The following MYBPC3 variants were observed in gnomAD, a reference collection of about 807,000 sequenced individuals.
MYBPC3 encodes the protein myosin-binding protein C, cardiac-type.
In MYBPC3, 108 loss-of-function variants were observed where a neutral mutation model predicts 159.3. That is an observed-to-expected ratio of 0.68 (90% CI 0.58 to 0.80). MYBPC3 has a LOEUF of 0.80. Ranked by LOEUF, MYBPC3 falls within the 30% of genes least tolerant of loss-of-function variation. The pLI is 0.00. For synonymous variants in MYBPC3, 730 were observed against 702.0 expected (o/e 1.04, Z -0.63); for missense variants, 1,631 against 1,762.1 (o/e 0.93, Z 1.33).
At chr11:47,333,375 AG>A (rs751244613) in intron 29 of MYBPC3, 42 bp from the exon 30 acceptor site, 80 of 1,523,396 alleles carry the variant, frequency 5.3e-5, no homozygotes, top group Non-Finnish European at 7.0e-5. Flanking sequence ...GCCTCCTGAC[AG>A]TGAGCAGGGG....
In MYBPC3 at chr11:47,339,298, C is replaced by T. The variant is rs559563184; in HGVS notation, c.2148+26G>A. The T allele has an allele frequency of 2.7e-4, 431 of 1,611,690 alleles. 5 individuals carry two copies. In the South Asian group the frequency reaches 4.1e-3, roughly 15 times the overall value. On this transcript the variant is annotated intron_variant, in intron 22 of 34. Coordinates refer to ENST00000545968, the MANE Select transcript of MYBPC3 (RefSeq NM_000256.3). Reference sequence around the variant, plus strand: ...AGAAAGTGATGAAAGACAAACGAGCCTCCTCCTGACCTCAGTCTCACTCAC... The same window carrying T: ...AGAAAGTGATGAAAGACAAACGAGCTTCCTCCTGACCTCAGTCTCACTCAC...
Position 47,343,280 on chromosome 11 carries a change from C to A in MYBPC3, c.1224-18G>T. The A allele has an allele frequency of 6.4e-7, 1 of 1,550,668 alleles. No individual in the cohort carries two copies. Among genetic ancestry groups the A allele is most frequent in the Non-Finnish European group, 8.7e-7 (1 of 1,153,090 alleles). ...CTTACTTGCTGTAGAACAGAAGGGG[C>A]CGTTGAAGTGTTCCCGACGGGAGGA... On this transcript the variant is annotated intron_variant, in intron 13 of 34. Coordinates refer to ENST00000545968, the MANE Select transcript of MYBPC3 (RefSeq NM_000256.3).
rs1555123138 is a variant in MYBPC3, at chr11:47,348,536, A to G, written c.660T>C (p.Tyr220=). 1.9e-6 allele frequency: 3 copies of G among 1,611,726 alleles called. No individual in the cohort carries two copies. The highest frequency in any genetic ancestry group is 2.2e-5 in the South Asian group (2 of 90,726). Residue 220 remains tyrosine (Y), a synonymous_variant, in exon 6 of 35, where the codon TAT becomes TAC. Coordinates refer to ENST00000545968, the MANE Select transcript of MYBPC3 (RefSeq NM_000256.3). ...CATCGGTGATGTGCAGCTCGAACAGATAGACCTGTGTGCATGGAGGGACGG... is the reference window on the plus strand; with the variant it reads ...CATCGGTGATGTGCAGCTCGAACAGGTAGACCTGTGTGCATGGAGGGACGG... ...HDSYDRASKV[Y]LFELHITDAQ...
intron 28 of MYBPC3, 28 bp downstream of exon 28, chr11:47,333,893 TG>T: frequency 6.4e-7 from 1 of 1,558,888 alleles, no homozygotes; most frequent in South Asian, 1.2e-5. Flanking sequence ...CTCTCTCCCC[TG>T]GGGGACAGGG....
intron 1 of MYBPC3, among the ~76,000 whole-genome samples, chr11:47,352,097 T>C (rs1298447451): frequency 6.6e-6 from 1 of 152,070 alleles, no homozygotes; most frequent in Non-Finnish European, 1.5e-5. Flanking sequence ...GAAGAGGGGC[T>C]GTGTCACCCT....
At position 47,346,681 on chromosome 11, in the gene MYBPC3, G is replaced by A. The variant is rs2142864692; in HGVS notation, c.909-37C>T. On this transcript the variant is annotated intron_variant, in intron 10 of 34. Transcript: ENST00000545968. This position sits in a 1 kb window ranked among gnomAD's most constrained non-coding sequence, Gnocchi z 5.3. ...GTGGGGGTGGGAGAAAGGGTAGGTG[G>A]CACATGAGAGGTATGGCCACCTTCC... 6.3e-7 allele frequency: 1 copy of A among 1,589,612 alleles called. No individual in the cohort carries two copies. The highest frequency in any genetic ancestry group is 8.6e-7 in the Non-Finnish European group (1 of 1,167,234).
chr11:47,350,685 G>A (rs971849203), intron 2 of MYBPC3, 70 bp from the exon 3 acceptor site: 6 of 1,399,962 alleles, frequency 4.3e-6, no homozygotes, highest in Non-Finnish European at 5.5e-6. Context: ...TCTCTCCTGA[G>A]CATTGGACCC....
At chr11:47,347,967 T>C in intron 6 of MYBPC3, 62 bp from the exon 7 acceptor site, 3 of 1,473,610 alleles carry the variant, frequency 2.0e-6, no homozygotes, top group Non-Finnish European at 2.8e-6. Context: ...TGAGAAGCCC[T>C]GCCCTGGGGG....
intron 16 of MYBPC3, 25 bp downstream of exon 16, chr11:47,342,805 C>T (rs1293798220): frequency 8.1e-6 from 13 of 1,612,360 alleles, no homozygotes; most frequent in Non-Finnish European, 1.1e-5. Flanking sequence ...CCCCAACACC[C>T]ATGCCCCGTG....
At chr11:47,333,026 C>T (rs960292664) in intron 30 of MYBPC3, 53 bp from the exon 31 acceptor site, 4 of 1,568,488 alleles carry the variant, frequency 2.6e-6, no homozygotes, top group Non-Finnish European at 2.6e-6. Flanking sequence ...TTCCTGATGC[C>T]GAGAGCCTCT....
rs2095879743 is a variant in MYBPC3 at position 47,333,760 on chromosome 11, G to A, written c.2995-8C>T. 2 of 1,586,374 alleles carry A rather than the reference G, an allele frequency of 1.3e-6. No individual in the cohort carries two copies. Among genetic ancestry groups the A allele is most frequent in the Non-Finnish European group, 1.7e-6 (2 of 1,167,042 alleles). On this transcript the variant is annotated splice_region_variant and splice_polypyrimidine_tract_variant and intron_variant, in intron 28 of 34. Transcript: ENST00000545968. The stretch of plus-strand genomic sequence containing the variant: ...CTGAGGCCGGGGCTTGCCCTGAGGG[G>A]AGGAAAAGCTTAACCCTGAACCTGG...
In MYBPC3 at chr11:47,350,125, G is replaced by A; in HGVS notation, c.407-13C>T. The A allele has an allele frequency of 1.9e-6, 3 of 1,550,638 alleles. No homozygotes were observed. The highest frequency in any genetic ancestry group is 1.7e-6 in the Non-Finnish European group (2 of 1,146,582). ...GCTGAGCTTGACCCTGTGAGCAAAG[G>A]CTTTTTCTGTTTGTTTGAGATGGAG... On this transcript the variant is annotated splice_polypyrimidine_tract_variant and intron_variant, in intron 3 of 34. Coordinates refer to ENST00000545968, the MANE Select transcript of MYBPC3 (RefSeq NM_000256.3).
rs771741441 is a variant in MYBPC3 at position 47,342,743 on chromosome 11, G to T, written c.1459C>A (p.Leu487Met). 1.9e-6 allele frequency: 3 copies of T among 1,613,912 alleles called. No individual in the cohort carries two copies. The South Asian group carries it at 3.3e-5, about 18-fold the overall frequency. ...VSEEGAQVKW[L>M]KDGVELTREE... ...CGGGTCAGCTCCACCCCGTCCTTCAGCCTAGCCGGGTGGGTGGGTGGCAAG... is the reference window on the plus strand; with the variant it reads ...CGGGTCAGCTCCACCCCGTCCTTCATCCTAGCCGGGTGGGTGGGTGGCAAG... Residue 487 changes from leucine to methionine, a missense_variant and splice_region_variant, in exon 17 of 35, where the codon CTG (leucine) becomes ATG (methionine). Physicochemically the swap from Leu to Met is conservative, Grantham distance 15. Transcript: ENST00000545968.
At position 47,340,989 on chromosome 11, in the gene MYBPC3, G is replaced by GCCCCAAGACTCAGGGT; in HGVS notation, c.1927+13_1927+14insACCCTGAGTCTTGGGG. ...AAGTGAGCAGAACCAAGACTCAGGG[G>GCCCCAAGACTCAGGGT]CCCCAAGACTTACCCTGCCTGGGTA... On this transcript the variant is annotated intron_variant, in intron 20 of 34. Coordinates refer to ENST00000545968, the MANE Select transcript of MYBPC3 (RefSeq NM_000256.3). The GCCCCAAGACTCAGGGT allele has an allele frequency of 6.4e-7, 1 of 1,553,878 alleles. No individual in the cohort carries two copies. The highest frequency in any genetic ancestry group is 8.7e-7 in the Non-Finnish European group (1 of 1,151,290).
chr11:47,340,154 GAC>G (rs891460046), intron 20 of MYBPC3, among the ~76,000 whole-genome samples: 1 of 150,646 alleles, frequency 6.6e-6, no homozygotes, highest in African/African-American at 2.4e-5. Flanking sequence ...CATACACACA[GAC>G]ACACATACAC....
chr11:47,347,381 G>T (rs1419464354), intron 9 of MYBPC3, 45 bp downstream of exon 9: 1 of 1,558,698 alleles, frequency 6.4e-7, no homozygotes. Flanking sequence ...GGGATTTGGA[G>T]CCAGGCCTCA....
At position 47,350,291 on chromosome 11, in the gene MYBPC3, AT is replaced by A. The variant is rs11570049; in HGVS notation, c.407-180del. Among the ~76,000 whole-genome samples, 87,622 of 151,930 alleles carry A rather than the reference AT, an allele frequency of 0.58. 28,869 individuals carry two copies. Among genetic ancestry groups the A allele is most frequent in the South Asian group, 0.76 (3,657 of 4,822 alleles). On this transcript the variant is annotated intron_variant, in intron 3 of 34. Transcript: ENST00000545968. ...AGGTGCCCGCCACCACGCCCGGCTA[AT>A]TTTTTTGTATTTTTAGTAGAGATGG...
At chr11:47,333,484 C>T (rs1458419698) in intron 29 of MYBPC3, 73 bp downstream of exon 29, 6 of 1,574,582 alleles carry the variant, frequency 3.8e-6, no homozygotes, top group African/African-American at 1.3e-5. Context: ...GGTCCCCTGG[C>T]CCCACCCTTG....
At position 47,333,218 on chromosome 11, in the gene MYBPC3, C is replaced by T. The variant is rs1595841481; in HGVS notation, c.3306G>A (p.Val1102=). 6.3e-7 allele frequency: 1 copy of T among 1,599,672 alleles called. No homozygotes were observed. Among genetic ancestry groups the T allele is most frequent in the Non-Finnish European group, 8.5e-7 (1 of 1,172,948 alleles). The change falls in exon 30 of 35, where the codon GTG becomes GTA. Residue 1102 remains valine (V), a synonymous_variant. Coordinates refer to ENST00000545968, the MANE Select transcript of MYBPC3 (RefSeq NM_000256.3). ...CCATGGTCTTCTTGTCGGCTTTCTG[C>T]ACTGTGTACCCCCAGAGCTCCGTGT... The part of the protein sequence containing the change: ...VGNTELWGYT[V]QKADKKTMEW...
Sources: gnomAD v4.1 joint callset for allele counts (sites outside exome capture counted in the v4.1 genomes callset) on GRCh38, gnomAD v4.1.1 for gene constraint, Gnocchi (gnomAD v3.1) non-coding constraint, MANE v1.5 for transcripts, NCBI Gene and HGNC (gene_info 2026-07-23, HGNC 2026-07-21) for gene names.